Variants in DDR2 observed in about 807,000 individuals in gnomAD.
DDR2 encodes the protein discoidin domain receptor tyrosine kinase 2.
A neutral mutation model predicts 94.9 loss-of-function variants in DDR2; 27 were observed. The ratio of observed to expected loss-of-function variants is 0.28; its 90% CI spans 0.21 to 0.39. DDR2 has a LOEUF of 0.39. DDR2 is among the 10% of genes least tolerant of loss of function. The pLI is 1.00. For missense variants in DDR2, 783 were observed against 1,076.0 expected (o/e 0.73, Z 3.81); for synonymous variants, 382 against 377.2 (o/e 1.01, Z -0.15).
intron 2 of DDR2, among the ~76,000 whole-genome samples, chr1:162,677,150 A>T (rs1016170023): frequency 1.3e-5 from 2 of 152,128 alleles, no homozygotes; most frequent in African/African-American, 4.8e-5. Flanking sequence ...CGATAATAGC[A>T]TACTTGAGAT....
Position 162,678,588 on chromosome 1 carries a change from A to T in DDR2, c.-28+23214A>T, listed in dbSNP as rs76349690. On this transcript the variant is annotated intron_variant, in intron 2 of 17. Coordinates refer to ENST00000367921, the MANE Select transcript of DDR2 (RefSeq NM_006182.4). Reference sequence around the variant, plus strand: ...CTGGCCCAAGGTCACGGAGTAAGTCACTGAGTAATCCCTCTGGTCTGTTGC... The same window carrying T: ...CTGGCCCAAGGTCACGGAGTAAGTCTCTGAGTAATCCCTCTGGTCTGTTGC... Among the ~76,000 whole-genome samples, 4 of 152,348 alleles carry T rather than the reference A, an allele frequency of 2.6e-5. No individual in the cohort carries two copies. In the South Asian group the frequency reaches 8.3e-4, roughly 32 times the overall value.
At chr1:162,685,075 T>C (rs1358665267) in intron 2 of DDR2, among the ~76,000 whole-genome samples, 1 of 152,168 alleles carries the variant, frequency 6.6e-6, no homozygotes, top group Non-Finnish European at 1.5e-5. Context: ...TAAATCACAA[T>C]TTTACCTTTC....
chr1:162,772,305 C>T, intron 13 of DDR2, 58 bp downstream of exon 13: 1 of 1,552,704 alleles, frequency 6.4e-7, no homozygotes, highest in Non-Finnish European at 8.8e-7. Context: ...TAAAAATGAT[C>T]AGTAGAACAA....
rs746947350 is a variant in DDR2, at chr1:162,753,191, A to T, written c.179A>T (p.Tyr60Phe). The change falls in exon 4 of 18, where the codon TAT (tyrosine) becomes TTT (phenylalanine). Residue 60 changes from tyrosine (Y) to phenylalanine (F), a missense_variant. Tyr to Phe is a conservative substitution (Grantham distance 22, BLOSUM62 3). Around this residue, in one of 2 missense-constraint regions of DDR2, gnomAD observed 519 missense variants for 647.9 expected, o/e 0.80. Transcript: ENST00000367921. ...SQWSESTAAK[Y>F]GRLDSEEGDG... ...TGGTCAGAGTCCACAGCTGCCAAAT[A>T]TGGAAGGTGAGGATGGTTACATCAA... 4.3e-6 allele frequency: 7 copies of T among 1,612,716 alleles called. No individual in the cohort carries two copies. The East Asian group carries it at 1.6e-4, about 36-fold the overall frequency.
chr1:162,654,152 G>T (rs560738508), intron 1 of DDR2, among the ~76,000 whole-genome samples: 3 of 152,190 alleles, frequency 2.0e-5, no homozygotes, highest in Non-Finnish European at 4.4e-5. Flanking sequence ...AAAAAACTAT[G>T]CATCTCAAGG....
At chr1:162,750,242 C>A (rs1663115353) in intron 3 of DDR2, among the ~76,000 whole-genome samples, 1 of 152,106 alleles carries the variant, frequency 6.6e-6, no homozygotes, top group Admixed American at 6.5e-5. Context: ...ATTTAGAAAA[C>A]CCCATCATCT....
chr1:162,756,726 T>G (rs1663481558), intron 7 of DDR2, among the ~76,000 whole-genome samples: 2 of 152,190 alleles, frequency 1.3e-5, no homozygotes, highest in South Asian at 2.1e-4. Flanking sequence ...TGCCATCCCC[T>G]GGGTGAAGAC....
chr1:162,674,883 G>A (rs1659053291), intron 2 of DDR2, among the ~76,000 whole-genome samples: 1 of 152,170 alleles, frequency 6.6e-6, no homozygotes, highest in Admixed American at 6.6e-5. Context: ...GGTGGGCATG[G>A]TGGCTCATGC....
chr1:162,727,307 A>G (rs983228618), intron 3 of DDR2, among the ~76,000 whole-genome samples: 1 of 140,944 alleles, frequency 7.1e-6, no homozygotes, highest in African/African-American at 2.5e-5. Context: ...ATGTATAAAA[A>G]TAAACATAAT....
intron 1 of DDR2, among the ~76,000 whole-genome samples, chr1:162,645,334 T>G (rs1483116929): frequency 6.6e-6 from 1 of 152,230 alleles, no homozygotes; most frequent in African/African-American, 2.4e-5. Flanking sequence ...TATTAAAATA[T>G]GTATAATTTT....
intron 2 of DDR2, among the ~76,000 whole-genome samples, chr1:162,672,854 G>A (rs1239911653): frequency 1.3e-5 from 2 of 152,066 alleles, no homozygotes; most frequent in Non-Finnish European, 2.9e-5. Context: ...GCATGTTCTC[G>A]GGGCCTCTCT....
chr1:162,633,745 G>A (rs542984291), intron 1 of DDR2, among the ~76,000 whole-genome samples: 24 of 152,326 alleles, frequency 1.6e-4, no homozygotes, highest in Non-Finnish European at 2.8e-4. Flanking sequence ...CGCCAATGGC[G>A]GCTCATCAGC....
intron 3 of DDR2, among the ~76,000 whole-genome samples, chr1:162,752,382 G>A (rs1407352499): frequency 6.6e-6 from 1 of 152,174 alleles, no homozygotes; most frequent in Non-Finnish European, 1.5e-5. Flanking sequence ...TGCCACCGTA[G>A]GGGTCAACTT....
rs1283379853 is a variant in DDR2, at chr1:162,787,071, T to C, written c.*6825T>C. The C allele has an allele frequency of 1.3e-5, 2 of 152,280 alleles. No individual in the cohort carries two copies. The highest frequency in any genetic ancestry group is 1.9e-4 in the East Asian group (1 of 5,180). 9.4% of individuals were successfully genotyped at this position (152,280 alleles called of 1,614,324 possible). A position where few individuals can be genotyped will look rare whatever the true frequency, so the allele number is the denominator to read the frequency against. ...CCCAAACAACCCATTTCTTACCTGG[T>C]CTCTGAGAATAAGTTTATACTTTTA... On this transcript the variant is annotated 3_prime_UTR_variant, in exon 18 of 18. Coordinates refer to ENST00000367921, the MANE Select transcript of DDR2 (RefSeq NM_006182.4).
intron 1 of DDR2, among the ~76,000 whole-genome samples, chr1:162,651,440 A>G (rs1657685922): frequency 6.6e-6 from 1 of 152,252 alleles, no homozygotes; most frequent in South Asian, 2.1e-4. Context: ...AGTCAGCTCA[A>G]ATAATGGCTC....
chr1:162,770,857 T>C, intron 12 of DDR2: 1 of 354,982 alleles, frequency 2.8e-6, no homozygotes, highest in South Asian at 2.5e-5. Flanking sequence ...CCAGATAGAG[T>C]ACTCACCCAA....
At chr1:162,664,958 A>T (rs1436295908) in intron 2 of DDR2, among the ~76,000 whole-genome samples, 1 of 152,164 alleles carries the variant, frequency 6.6e-6, no homozygotes, top group African/African-American at 2.4e-5. Flanking sequence ...GGGGATAAAA[A>T]ATGGTAAGTT....
intron 1 of DDR2, among the ~76,000 whole-genome samples, chr1:162,649,781 A>G (rs1363030993): frequency 6.6e-6 from 1 of 152,306 alleles, no homozygotes; most frequent in African/African-American, 2.4e-5. Context: ...TCTGACTCCA[A>G]CCACATCATG....
At chr1:162,647,489 A>T (rs914465128) in intron 1 of DDR2, among the ~76,000 whole-genome samples, 3 of 152,218 alleles carry the variant, frequency 2.0e-5, no homozygotes, top group Non-Finnish European at 4.4e-5. Flanking sequence ...CAAGTTTATT[A>T]GAGAAGGAAA....
Sources: allele counts gnomAD v4.1 joint callset (sites outside exome capture counted in the v4.1 genomes callset), GRCh38; gene constraint gnomAD v4.1.1; regional missense constraint gnomAD v4.1.1; transcripts MANE v1.5; gene names NCBI Gene and HGNC (gene_info 2026-07-23, HGNC 2026-07-21).